The following SASH1 variants were observed in gnomAD, a reference collection of about 807,000 sequenced individuals.
SASH1 encodes SAM and SH3 domain-containing protein 1.
Under a neutral mutation model 125.2 loss-of-function variants are expected in SASH1, and 44 were observed. The ratio of observed to expected loss-of-function variants is 0.35; its 90% CI spans 0.28 to 0.45. The LOEUF (loss-of-function observed/expected upper bound fraction) is 0.45, where lower values mean the gene tolerates loss of function less well. Ranked by LOEUF, SASH1 falls within the 20% of genes least tolerant of loss-of-function variation. The pLI is 1.00. For missense variants in SASH1, 1,426 were observed against 1,614.5 expected (o/e 0.88, Z 2.00); for synonymous variants, 639 against 649.1 (o/e 0.98, Z 0.24).
At chr6:148,333,558 C>T (rs947493737) in intron 1 of SASH1, among the ~76,000 whole-genome samples, 34 of 151,866 alleles carry the variant, frequency 2.2e-4, no homozygotes, top group African/African-American at 7.2e-4. Flanking sequence ...GATAAAATAT[C>T]GTTGTCGCTG....
intron 1 of SASH1, among the ~76,000 whole-genome samples, chr6:148,348,564 A>T (rs1487513398): frequency 6.6e-6 from 1 of 151,998 alleles, no homozygotes; most frequent in Non-Finnish European, 1.5e-5. Context: ...TTGCGCATAC[A>T]TTTCCTTACT....
chr6:148,211,623 C>T, the SASH1 span, among the ~76,000 whole-genome samples: 2 of 151,072 alleles, frequency 1.3e-5, no homozygotes, highest in East Asian at 1.9e-4. Flanking sequence ...TTTATTGGGG[C>T]ATTTATATAG....
intron 8 of SASH1, among the ~76,000 whole-genome samples, chr6:148,509,790 A>G (rs1780014596): frequency 6.6e-6 from 1 of 152,256 alleles, no homozygotes; most frequent in African/African-American, 2.4e-5. Flanking sequence ...GTTTGTACTC[A>G]CAGATGCTAT....
At chr6:148,353,850 A>G (rs527578533) in intron 1 of SASH1, among the ~76,000 whole-genome samples, 3 of 151,954 alleles carry the variant, frequency 2.0e-5, no homozygotes, top group Non-Finnish European at 4.4e-5. Flanking sequence ...ATTGAGAAAT[A>G]TGTGTGTAAA....
the SASH1 span, among the ~76,000 whole-genome samples, chr6:148,200,454 A>G: frequency 6.6e-6 from 1 of 152,164 alleles, no homozygotes; most frequent in South Asian, 2.1e-4. Flanking sequence ...TCTGCTTATC[A>G]TTATTGATGT....
At chr6:148,308,086 G>A (rs1027242368) in intron 1 of SASH1, among the ~76,000 whole-genome samples, 17 of 151,976 alleles carry the variant, frequency 1.1e-4, no homozygotes, top group African/African-American at 4.1e-4. Context: ...TCTTTCTTGG[G>A]TATCTCTGGA....
chr6:148,295,062 G>A (rs768321163), intron 1 of SASH1, among the ~76,000 whole-genome samples: 15 of 151,638 alleles, frequency 9.9e-5, no homozygotes, highest in South Asian at 2.1e-4. Flanking sequence ...TTTCTTTCTC[G>A]TTCTCTCTCT....
intron 2 of SASH1, among the ~76,000 whole-genome samples, chr6:148,420,989 C>G (rs1232074294): frequency 6.6e-6 from 1 of 151,746 alleles, no homozygotes; most frequent in African/African-American, 2.4e-5. Flanking sequence ...GTGGCTGAGG[C>G]AGGAGAATCA....
intron 1 of SASH1, among the ~76,000 whole-genome samples, chr6:148,384,544 G>A (rs770315457): frequency 5.3e-5 from 8 of 152,082 alleles, no homozygotes; most frequent in Admixed American, 2.6e-4. Context: ...TTGTGTTTCC[G>A]TAAAGATGGC....
At chr6:148,207,456 A>C in the SASH1 span, among the ~76,000 whole-genome samples, 2 of 152,210 alleles carry the variant, frequency 1.3e-5, no homozygotes, top group African/African-American at 4.8e-5. Flanking sequence ...CAGTTCTAAA[A>C]TTATTTCCCT....
At chr6:148,332,180 C>G (rs1781013614) in intron 1 of SASH1, among the ~76,000 whole-genome samples, 1 of 152,014 alleles carries the variant, frequency 6.6e-6, no homozygotes, top group Admixed American at 6.6e-5. Context: ...TTTGGCTCAC[C>G]TGTAAGGCAT....
the SASH1 span, among the ~76,000 whole-genome samples, chr6:148,207,940 G>T: frequency 6.6e-6 from 1 of 152,076 alleles, no homozygotes; most frequent in Non-Finnish European, 1.5e-5. Flanking sequence ...AAAACCTGGC[G>T]CTCTCTCATC....
chr6:148,514,546 A>AGGGAT, intron 9 of SASH1, 90 bp downstream of exon 9: 1 of 1,330,920 alleles, frequency 7.5e-7, no homozygotes, highest in African/African-American at 1.5e-5. Context: ...CTCAGCAGAA[A>AGGGAT]AGGGATACGA....
intron 19 of SASH1, among the ~76,000 whole-genome samples, chr6:148,547,762 G>A (rs993962077): frequency 3.3e-5 from 5 of 152,152 alleles, no homozygotes; most frequent in Admixed American, 1.3e-4. Context: ...ATACCCAGTA[G>A]TCAAGGTTAA....
the SASH1 span, among the ~76,000 whole-genome samples, chr6:148,259,558 T>A: frequency 1.3e-5 from 2 of 152,216 alleles, no homozygotes; most frequent in African/African-American, 4.8e-5. Context: ...CTTGTGTCGC[T>A]GCCTGTCGCT....
chr6:148,266,604 C>T, the SASH1 span, among the ~76,000 whole-genome samples: 4 of 152,010 alleles, frequency 2.6e-5, no homozygotes, highest in South Asian at 6.2e-4. Flanking sequence ...AACAAGAGAG[C>T]TTTTCTTTTC....
intron 1 of SASH1, among the ~76,000 whole-genome samples, chr6:148,364,727 C>G (rs931967241): frequency 6.6e-6 from 1 of 152,088 alleles, no homozygotes; most frequent in Non-Finnish European, 1.5e-5. Context: ...TGCATCATCC[C>G]CAAGGGTTCT....
intron 1 of SASH1, among the ~76,000 whole-genome samples, chr6:148,361,739 A>G (rs1782215559): frequency 6.6e-6 from 1 of 152,142 alleles, no homozygotes; most frequent in African/African-American, 2.4e-5. Flanking sequence ...GACCCTGGCC[A>G]TGGCAGCATA....
At chr6:148,545,939 A>G in intron 18 of SASH1, 76 bp from the exon 19 acceptor site, 1 of 1,425,742 alleles carries the variant, frequency 7.0e-7, no homozygotes, top group Non-Finnish European at 9.7e-7. Flanking sequence ...ACCCTACGTT[A>G]TATGTGGTGT....
Sources: allele counts gnomAD v4.1 joint callset (sites outside exome capture counted in the v4.1 genomes callset), GRCh38; gene constraint gnomAD v4.1.1; transcripts MANE v1.5; gene names NCBI Gene and HGNC (gene_info 2026-07-23, HGNC 2026-07-21).